SLC29A4: variants seen among roughly 807,000 people sequenced by gnomAD.
The protein encoded by SLC29A4 is equilibrative nucleoside transporter 4.
In SLC29A4, 36 loss-of-function variants were observed where a neutral mutation model predicts 43.9. The observed-to-expected ratio is 0.82, with a 90% CI of 0.63 to 1.08. SLC29A4 has a LOEUF of 1.08. Among genes scored for constraint, SLC29A4 ranks in the 50% least tolerant of loss-of-function variants. The pLI, the probability that SLC29A4 is intolerant of heterozygous loss-of-function variation, is 0.00. For missense variants in SLC29A4, 869 were observed against 755.3 expected (o/e 1.15, Z -1.77); for synonymous variants, 491 against 338.0 (o/e 1.45, Z -4.97).
Position 5,283,065 on chromosome 7 carries a change from A to AGGCCAGGCCG in SLC29A4, c.-22_-21insAGGCCGGGCC, listed in dbSNP as rs1554260781. The stretch of plus-strand genomic sequence containing the variant: ...GCGTGGCGGGCGCGCCGAGGACCCC[A>AGGCCAGGCCG]GGCCGGGCCGGGCCGAGGTAAGCGG... On this transcript the variant is annotated 5_prime_UTR_variant, in exon 1 of 11. Transcript: ENST00000396872. 1 of 145,672 alleles carries AGGCCAGGCCG rather than the reference A, an allele frequency of 6.9e-6. No homozygotes were observed. Among genetic ancestry groups the AGGCCAGGCCG allele is most frequent in the Non-Finnish European group, 1.5e-5 (1 of 65,652 alleles). The allele number at this position is 145,672 out of a possible 1,614,324, so 9.0% of individuals were successfully genotyped here.
intron 10 of SLC29A4, among the ~76,000 whole-genome samples, 186 bp downstream of exon 10, chr7:5,300,848 T>G (rs1317204388): frequency 6.6e-6 from 1 of 152,208 alleles, no homozygotes; most frequent in Non-Finnish European, 1.5e-5. Context: ...TATTCGTTCG[T>G]TCATCCCACA....
At chr7:5,302,513 G>A (rs4532505) in intron 10 of SLC29A4, among the ~76,000 whole-genome samples, 3,303 of 152,246 alleles carry the variant, frequency 0.022, 138 homozygotes, top group African/African-American at 0.076. Context: ...ACTGCACTCC[G>A]GTCTGGGCAA....
chr7:5,284,514 G>T (rs563244681), intron 1 of SLC29A4, among the ~76,000 whole-genome samples: 1 of 152,262 alleles, frequency 6.6e-6, no homozygotes, highest in Non-Finnish European at 1.5e-5. Context: ...TCACGGCAGC[G>T]CAGAGTGGAG....
At position 5,290,662 on chromosome 7, in the gene SLC29A4, C is replaced by T. The variant is rs192231185; in HGVS notation, c.170-70C>T. ...TGGTGATGGCGGCCGGGGTGGTGGA[C>T]ATCGCCCTGTGCGGTGACTGTAGCC... On this transcript the variant is annotated intron_variant, in intron 2 of 10. Coordinates refer to ENST00000396872, the MANE Select transcript of SLC29A4 (RefSeq NM_153247.4). The T allele has an allele frequency of 1.7e-4, 261 of 1,547,140 alleles. 2 individuals carry two copies. The East Asian group carries it at 4.9e-3, about 29-fold the overall frequency.
Position 5,300,452 on chromosome 7 carries a change from G to T in SLC29A4, c.1240G>T (p.Gly414Cys). Residue 414 changes from glycine to cysteine, a missense_variant, in exon 10 of 11, where the codon GGC becomes TGC. Transcript: ENST00000396872. ...GGCAGCCCTGCCCGTGGACTGGCGG[G>T]GCACCCACCTGCTGGCCTGCTCCTG... ...ILAALPVDWR[G>C]THLLACSCLR... The T allele has an allele frequency of 6.2e-7, 1 of 1,611,256 alleles. No individual in the cohort carries two copies. Among genetic ancestry groups the T allele is most frequent in the Non-Finnish European group, 8.5e-7 (1 of 1,179,720 alleles).
At chr7:5,302,571 C>A (rs530015082) in intron 10 of SLC29A4, among the ~76,000 whole-genome samples, 21 of 152,148 alleles carry the variant, frequency 1.4e-4, no homozygotes, top group Non-Finnish European at 2.5e-4. Context: ...GCTTGGGGGA[C>A]TCAGAGAAGG....
Position 5,299,302 on chromosome 7 carries a change from G to C in SLC29A4, c.1084G>C (p.Val362Leu). The C allele has an allele frequency of 1.9e-6, 3 of 1,612,044 alleles. No homozygotes were observed. Among genetic ancestry groups the C allele is most frequent in the Non-Finnish European group, 2.5e-6 (3 of 1,179,900 alleles). ...VIWADMLSIA[V>L]TYFITLCLFP... Reference sequence around the variant, plus strand: ...CTGGGCCGACATGCTCTCCATCGCCGTGACCTACTTCATCACGCTGTGCCT... The same window carrying C: ...CTGGGCCGACATGCTCTCCATCGCCCTGACCTACTTCATCACGCTGTGCCT... Residue 362 changes from valine (V) to leucine (L), a missense_variant, in exon 9 of 11, where the codon GTG (valine) becomes CTG (leucine). Physicochemically the swap from Val to Leu is conservative, Grantham distance 32. Transcript: ENST00000396872.
At position 5,299,350 on chromosome 7, in the gene SLC29A4, A is replaced by C. The variant is rs747117446; in HGVS notation, c.1132A>C (p.Ile378Leu). The C allele has an allele frequency of 6.2e-7, 1 of 1,612,076 alleles. No homozygotes were observed. The highest frequency in any genetic ancestry group is 8.5e-7 in the Non-Finnish European group (1 of 1,179,848). ...LCLFPGLESE[I>L]RHCILGEWLP... is the part of the protein sequence containing the mutation. ...CCTGTTCCCCGGCCTCGAGTCTGAG[A>C]TCCGCCACTGCATCCTGGGCGAGTG... The change falls in exon 9 of 11, where the codon ATC becomes CTC. Residue 378 changes from isoleucine to leucine, a missense_variant. Coordinates refer to ENST00000396872, the MANE Select transcript of SLC29A4 (RefSeq NM_153247.4).
At chr7:5,297,971 G>T (rs1210794088) in intron 7 of SLC29A4, among the ~76,000 whole-genome samples, 1 of 152,156 alleles carries the variant, frequency 6.6e-6, no homozygotes, top group Non-Finnish European at 1.5e-5. Context: ...CCTTCTGGTG[G>T]CAGCAGCACT....
At chr7:5,292,025 G>A (rs1460291566) in intron 5 of SLC29A4, among the ~76,000 whole-genome samples, 2 of 152,248 alleles carry the variant, frequency 1.3e-5, no homozygotes, top group Non-Finnish European at 2.9e-5. Context: ...TGTGCGCAGC[G>A]TGTAGCCACA....
chr7:5,290,411 G>T (rs963158507), intron 2 of SLC29A4, among the ~76,000 whole-genome samples: 2 of 152,048 alleles, frequency 1.3e-5, no homozygotes, highest in Non-Finnish European at 2.9e-5. Context: ...TGGCCAGGCT[G>T]GTCTCGAACT....
chr7:5,294,497 AT>A (rs1349894379), intron 5 of SLC29A4, among the ~76,000 whole-genome samples: 2 of 152,150 alleles, frequency 1.3e-5, no homozygotes, highest in African/African-American at 4.8e-5. Flanking sequence ...GTTATGCTCC[AT>A]ACGGTCTCTC....
chr7:5,304,387 C>T lies in SLC29A4; in HGVS notation c.*1448C>T, dbSNP rs1786379599. 1 of 152,118 alleles carries T rather than the reference C, an allele frequency of 6.6e-6. No homozygotes were observed. The highest frequency in any genetic ancestry group is 2.4e-5 in the African/African-American group (1 of 41,402). 9.4% of individuals were successfully genotyped at this position (152,118 alleles called of 1,614,324 possible). ...AAACAAAGTGGGCGGGGCTTGGCCC[C>T]TGCCCCTCAGGGACTGCACTGCATC... On this transcript the variant is annotated 3_prime_UTR_variant, in exon 11 of 11. Transcript: ENST00000396872.
At chr7:5,297,592 G>A (rs1368688025) in intron 7 of SLC29A4, among the ~76,000 whole-genome samples, 1 of 152,240 alleles carries the variant, frequency 6.6e-6, no homozygotes, top group African/African-American at 2.4e-5. Context: ...ACCCACGTTG[G>A]AGAGTCCTCC....
chr7:5,300,687 G>T (rs760029814), intron 10 of SLC29A4, 25 bp downstream of exon 10: 3 of 1,599,786 alleles, frequency 1.9e-6, no homozygotes, highest in Admixed American at 1.7e-5. Context: ...ACGTGGGGGT[G>T]GGGGCGTCCT....
intron 1 of SLC29A4, among the ~76,000 whole-genome samples, chr7:5,283,771 G>T (rs1328630589): frequency 6.6e-6 from 1 of 152,240 alleles, no homozygotes; most frequent in African/African-American, 2.4e-5. Context: ...ACGGGGACCA[G>T]GGGTGTACCA....
chr7:5,304,488 G>GTT lies in SLC29A4; in HGVS notation c.*1550_*1551dup. ...TGCAATTTGGACAAAATCCTGCACT[G>GTT]TTCTGTGCCTCATTTCTTTCTTTTT... is the stretch of plus-strand genomic sequence containing the variant. On this transcript the variant is annotated 3_prime_UTR_variant, in exon 11 of 11. Transcript: ENST00000396872. The GTT allele has an allele frequency of 6.9e-6, 1 of 145,510 alleles. No homozygotes were observed. Among genetic ancestry groups the GTT allele is most frequent in the East Asian group, 2.8e-4 (1 of 3,552 alleles). 9.0% of individuals were successfully genotyped at this position (145,510 alleles called of 1,614,324 possible).
intron 9 of SLC29A4, among the ~76,000 whole-genome samples, chr7:5,299,960 G>C (rs1032020285): frequency 1.3e-5 from 2 of 152,234 alleles, no homozygotes; most frequent in African/African-American, 4.8e-5. Flanking sequence ...GCTGAGGCAG[G>C]AGAATCGCTT....
At chr7:5,299,712 G>C (rs192426594) in intron 9 of SLC29A4, among the ~76,000 whole-genome samples, 2 of 152,338 alleles carry the variant, frequency 1.3e-5, no homozygotes, top group East Asian at 3.9e-4. Flanking sequence ...AGCACAGGAG[G>C]ATGCCCCAGA....
Sources: allele counts gnomAD v4.1 joint callset (sites outside exome capture counted in the v4.1 genomes callset), GRCh38; gene constraint gnomAD v4.1.1; transcripts MANE v1.5; gene names NCBI Gene and HGNC (gene_info 2026-07-23, HGNC 2026-07-21).